The following NSUN4 variants were observed in gnomAD, a reference collection of about 807,000 sequenced individuals.
The protein encoded by NSUN4 is 5-cytosine rRNA methyltransferase NSUN4.
NSUN4 carries 31 observed loss-of-function variants against 43.8 expected under a neutral mutation model. The ratio of observed to expected loss-of-function variants is 0.71; its 90% CI spans 0.53 to 0.96. NSUN4 has a LOEUF of 0.96. Among genes scored for constraint, NSUN4 ranks in the 40% least tolerant of loss-of-function variants. The pLI is 0.00. For synonymous variants in NSUN4, 167 were observed against 184.1 expected, an observed-to-expected ratio of 0.91 and a Z score of 0.75; for missense variants, 439 against 475.6, an observed-to-expected ratio of 0.92 and a Z score of 0.72.
chr1:46,342,801 A>C (rs1173838012), intron 1 of NSUN4: 1 of 397,400 alleles, frequency 2.5e-6, no homozygotes, highest in African/African-American at 2.1e-5. Context: ...TACTCCCCAC[A>C]AATGTCTCTC....
intron 4 of NSUN4, among the ~76,000 whole-genome samples, chr1:46,359,675 C>T (rs188742628): frequency 1.3e-5 from 2 of 150,968 alleles, no homozygotes; most frequent in Non-Finnish European, 3.0e-5. Flanking sequence ...CTTAGCCTCC[C>T]GAGTAGCTGG....
At chr1:46,378,626 A>T in the NSUN4 span, among the ~76,000 whole-genome samples, 1 of 152,208 alleles carries the variant, frequency 6.6e-6, no homozygotes, top group Non-Finnish European at 1.5e-5. Context: ...AGATCAGGAG[A>T]TGTATCAGTT....
the NSUN4 span, among the ~76,000 whole-genome samples, chr1:46,370,239 G>T: frequency 6.6e-6 from 1 of 152,320 alleles, no homozygotes; most frequent in African/African-American, 2.4e-5. Flanking sequence ...AGGGGAAGCA[G>T]ATGTGTTTTG....
chr1:46,367,597 G>A (rs1664164184), downstream of NSUN4, among the ~76,000 whole-genome samples: 1 of 152,094 alleles, frequency 6.6e-6, no homozygotes, highest in Non-Finnish European at 1.5e-5. Context: ...AGCTAGTGGT[G>A]TTAGACAGCA....
chr1:46,343,358 C>T (rs1662258316), intron 1 of NSUN4: 3 of 400,038 alleles, frequency 7.5e-6, no homozygotes, highest in Non-Finnish European at 1.3e-5. Context: ...TCCGGGCCTA[C>T]CCTGATACTG....
At chr1:46,376,421 G>A in the NSUN4 span, among the ~76,000 whole-genome samples, 1 of 149,864 alleles carries the variant, frequency 6.7e-6, no homozygotes, top group Admixed American at 6.7e-5. Flanking sequence ...AAAAAAAAAA[G>A]CATAGTAGTA....
chr1:46,359,958 G>C (rs1161202625), intron 4 of NSUN4, among the ~76,000 whole-genome samples: 1 of 151,650 alleles, frequency 6.6e-6, no homozygotes, highest in Admixed American at 6.6e-5. Context: ...GGCCGGGCAT[G>C]GTGGCTCATG....
intron 1 of NSUN4, chr1:46,342,098 G>T: frequency 1.9e-6 from 1 of 522,476 alleles, no homozygotes. Flanking sequence ...TTGCTCGCCG[G>T]CCGGTGGAAA....
At chr1:46,347,859 C>CTTTTT (rs112974748) in intron 3 of NSUN4, among the ~76,000 whole-genome samples, 3 of 143,158 alleles carry the variant, frequency 2.1e-5, no homozygotes, top group African/African-American at 2.6e-5. Flanking sequence ...TTTTGACTTT[C>CTTTTT]TTTTTTTTTT....
chr1:46,379,569 C>T, the NSUN4 span, among the ~76,000 whole-genome samples: 3 of 152,092 alleles, frequency 2.0e-5, no homozygotes, highest in Admixed American at 6.5e-5. Flanking sequence ...GAGCTGAGAT[C>T]GCACCACTGC....
At chr1:46,373,671 C>T in the NSUN4 span, among the ~76,000 whole-genome samples, 2 of 152,208 alleles carry the variant, frequency 1.3e-5, no homozygotes, top group African/African-American at 4.8e-5. Context: ...ACCAATAATC[C>T]ATTACCATGA....
chr1:46,366,054 G>C (rs985147867), downstream of NSUN4, among the ~76,000 whole-genome samples: 1 of 152,132 alleles, frequency 6.6e-6, no homozygotes, highest in Non-Finnish European at 1.5e-5. Context: ...CTTGCACCCA[G>C]GAGGTAGAGG....
the NSUN4 span, among the ~76,000 whole-genome samples, chr1:46,379,863 A>T: frequency 5.5e-4 from 83 of 152,252 alleles, no homozygotes; most frequent in Middle Eastern, 3.4e-3. Context: ...TACCTCTTTT[A>T]TAAGGTCTTT....
At chr1:46,359,999 G>T (rs1002502826) in intron 4 of NSUN4, among the ~76,000 whole-genome samples, 4 of 151,348 alleles carry the variant, frequency 2.6e-5, no homozygotes, top group African/African-American at 9.7e-5. Context: ...GGAGGCCAAG[G>T]CGGGCAGATC....
chr1:46,342,341 C>G (rs911467163), intron 1 of NSUN4: 4 of 399,172 alleles, frequency 1.0e-5, no homozygotes, highest in African/African-American at 6.2e-5. Flanking sequence ...GCTTCCCACT[C>G]TCTTCTCAGG....
chr1:46,353,040 T>C lies in NSUN4; in HGVS notation c.753+12T>C, dbSNP rs773538619. 1.2e-6 allele frequency: 2 copies of C among 1,613,584 alleles called. No homozygotes were observed. The highest frequency in any genetic ancestry group is 2.7e-5 in the African/African-American group (2 of 74,926). On this transcript the variant is annotated intron_variant, in intron 4 of 5. Transcript: ENST00000474844. ...ACACCTATGACCGGGTGAGTGATTC[T>C]TGATTTAGGACATGCATCCAGCTTA...
At chr1:46,342,665 C>G (rs1017942920) in intron 1 of NSUN4, 1 of 399,204 alleles carries the variant, frequency 2.5e-6, no homozygotes, top group African/African-American at 2.1e-5. Context: ...TCCCTTCACC[C>G]CTGGGCAACC....
downstream of NSUN4, among the ~76,000 whole-genome samples, chr1:46,369,606 G>A (rs944017909): frequency 6.6e-6 from 1 of 152,214 alleles, no homozygotes; most frequent in Non-Finnish European, 1.5e-5. Context: ...TGAAGATAAA[G>A]AGGAGTTAAA....
the NSUN4 span, among the ~76,000 whole-genome samples, chr1:46,383,259 C>T: frequency 7.9e-5 from 12 of 152,268 alleles, no homozygotes; most frequent in South Asian, 2.1e-4. Context: ...AGGGGGTGGA[C>T]GCCCCAGAGA....
Sources: gnomAD v4.1 joint callset for allele counts (sites outside exome capture counted in the v4.1 genomes callset) on GRCh38, gnomAD v4.1.1 for gene constraint, MANE v1.5 for transcripts, NCBI Gene and HGNC (gene_info 2026-07-23, HGNC 2026-07-21) for gene names.